The following GPR180 variants were observed in gnomAD, a reference collection of about 807,000 sequenced individuals.
The protein encoded by GPR180 is integral membrane protein GPR180.
A neutral mutation model predicts 52.6 loss-of-function variants in GPR180; 53 were observed. The ratio of observed to expected loss-of-function variants is 1.01; its 90% confidence interval spans 0.81 to 1.27. The LOEUF (loss-of-function observed/expected upper bound fraction) is 1.27. GPR180 is among the 50% of genes most tolerant of loss of function. GPR180 has a pLI of 0.00. For missense variants in GPR180, 533 were observed against 527.0 expected, an observed-to-expected ratio of 1.01 and a Z score of -0.11; for synonymous variants, 200 against 193.1, an observed-to-expected ratio of 1.04 and a Z score of -0.30.
intron 3 of GPR180, among the ~76,000 whole-genome samples, chr13:94,614,269 G>T (rs1456853552): frequency 6.6e-6 from 1 of 152,180 alleles, no homozygotes; most frequent in African/African-American, 2.4e-5. Flanking sequence ...TGCAGTTGTT[G>T]CATGTGCAAA....
rs769396995 is a variant in GPR180 at position 94,602,027 on chromosome 13, G to A, written c.100G>A (p.Ala34Thr). ...TLRGSFSSTA[A>T]QDAQGQRIGH... ...GCGGGGCAGCTTCAGCAGCACCGCG[G>A]CCCAGGACGCCCAGGGCCAGCGCAT... The change falls in exon 1 of 9, where the codon GCC becomes ACC. Residue 34 changes from alanine to threonine, a missense_variant. Ala to Thr is a moderately conservative substitution (Grantham distance 58). Coordinates refer to ENST00000376958, the MANE Select transcript of GPR180 (RefSeq NM_180989.6). 1.4e-6 allele frequency: 2 copies of A among 1,453,632 alleles called. No homozygotes were observed. Among genetic ancestry groups the A allele is most frequent in the African/African-American group, 1.5e-5 (1 of 68,670 alleles). 90.0% of individuals were successfully genotyped at this position (1,453,632 alleles called of 1,614,324 possible).
chr13:94,612,087 TA>T (rs1341336262), intron 2 of GPR180, 102 bp from the exon 3 acceptor site: 1 of 864,576 alleles, frequency 1.2e-6, no homozygotes, highest in African/African-American at 1.7e-5. Flanking sequence ...TCTGAGACAA[TA>T]AAAATTAAAA....
chr13:94,607,595 C>T (rs1889651325), intron 2 of GPR180, among the ~76,000 whole-genome samples: 1 of 151,914 alleles, frequency 6.6e-6, no homozygotes, highest in South Asian at 2.1e-4. Flanking sequence ...CTATAGTTAC[C>T]ACTTTACATT....
chr13:94,625,217 G>A (rs995865586), intron 7 of GPR180, among the ~76,000 whole-genome samples: 1 of 152,154 alleles, frequency 6.6e-6, no homozygotes, highest in African/African-American at 2.4e-5. Context: ...TTAAGGAGTA[G>A]CAAAAAGTTA....
intron 2 of GPR180, among the ~76,000 whole-genome samples, chr13:94,609,089 TG>T (rs1362365135): frequency 6.6e-6 from 1 of 152,176 alleles, no homozygotes; most frequent in African/African-American, 2.4e-5. Context: ...AAGAGCTAAA[TG>T]TAATATTGTA....
At chr13:94,614,148 C>T (rs147399480) in intron 3 of GPR180, among the ~76,000 whole-genome samples, 5 of 152,260 alleles carry the variant, frequency 3.3e-5, no homozygotes, top group African/African-American at 9.6e-5. Context: ...GGATTACAGG[C>T]GTGAGCCACC....
chr13:94,605,065 A>T lies in GPR180; in HGVS notation c.146-326A>T, dbSNP rs1024756066. 2.0e-5 allele frequency among the ~76,000 whole-genome samples: 3 copies of T among 152,342 alleles called. No individual in the cohort carries two copies. The South Asian group carries it at 6.2e-4, about 32-fold the overall frequency. On this transcript the variant is annotated intron_variant, in intron 1 of 8. Coordinates refer to ENST00000376958, the MANE Select transcript of GPR180 (RefSeq NM_180989.6). ...CTTTGGTGGGACATTTCTATAGATTATGAATAAAATATAAAATGTGAAGTG... is the reference window on the plus strand; with the variant it reads ...CTTTGGTGGGACATTTCTATAGATTTTGAATAAAATATAAAATGTGAAGTG...
At position 94,612,298 on chromosome 13, in the gene GPR180, A is replaced by G. The variant is rs1487123453; in HGVS notation, c.413A>G (p.Asn138Ser). 1.2e-6 allele frequency: 2 copies of G among 1,613,946 alleles called. No individual in the cohort carries two copies. Among genetic ancestry groups the G allele is most frequent in the South Asian group, 1.1e-5 (1 of 91,082 alleles). The change falls in exon 3 of 9, where the codon AAT becomes AGT. Residue 138 changes from asparagine (N) to serine (S), a missense_variant. Asn to Ser is a conservative substitution (Grantham distance 46). Coordinates refer to ENST00000376958, the MANE Select transcript of GPR180 (RefSeq NM_180989.6). ...TATACATGCCAAGATGACAAGGAGAATTCTCAGGTGGAAGATATCCCATTT... is the reference window on the plus strand; with the variant it reads ...TATACATGCCAAGATGACAAGGAGAGTTCTCAGGTGGAAGATATCCCATTT... ...DKYTCQDDKENSQVEDIPFEM... is the reference protein window; with the variant it reads ...DKYTCQDDKESSQVEDIPFEM...
Position 94,612,410 on chromosome 13 carries a change from T to C in GPR180, c.505+20T>C, listed in dbSNP as rs1423990068. 6.6e-7 allele frequency: 1 copy of C among 1,514,930 alleles called. No individual in the cohort carries two copies. Among genetic ancestry groups the C allele is most frequent in the Non-Finnish European group, 9.2e-7 (1 of 1,092,302 alleles). 93.8% of individuals were successfully genotyped at this position (1,514,930 alleles called of 1,614,324 possible). ...AATCTGGTAAGAATATGTATTTGAATATATCCTAAATTCAGGAAAAGATTT... is the reference window on the plus strand; with the variant it reads ...AATCTGGTAAGAATATGTATTTGAACATATCCTAAATTCAGGAAAAGATTT... On this transcript the variant is annotated intron_variant, in intron 3 of 8. Transcript: ENST00000376958.
rs1305076088 is a variant in GPR180 at position 94,629,255 on chromosome 13, ACT to A, written c.*2087_*2088del. On this transcript the variant is annotated 3_prime_UTR_variant, in exon 9 of 9. Coordinates refer to ENST00000376958, the MANE Select transcript of GPR180 (RefSeq NM_180989.6). ...ACAGAAAGTTAAGTGTATACTACAAACTCTAATTAAAGATAAAAATCTTTTCT... is the reference window on the plus strand; with the variant it reads ...ACAGAAAGTTAAGTGTATACTACAAACTAATTAAAGATAAAAATCTTTTCT... 2.6e-5 allele frequency: 4 copies of A among 152,218 alleles called. No individual in the cohort carries two copies. The East Asian group carries it at 5.8e-4, about 22-fold the overall frequency. 9.4% of individuals were successfully genotyped at this position (152,218 alleles called of 1,614,324 possible). A position where few individuals can be genotyped will look rare whatever the true frequency, so the allele number is the denominator to read the frequency against.
At chr13:94,619,625 A>C (rs1889827094) in intron 5 of GPR180, 108 bp downstream of exon 5, 1 of 884,472 alleles carries the variant, frequency 1.1e-6, no homozygotes, top group East Asian at 2.5e-5. Context: ...TTTAGAAATC[A>C]GCTTGACTGA....
chr13:94,608,452 G>A (rs979375162), intron 2 of GPR180, among the ~76,000 whole-genome samples: 2 of 152,156 alleles, frequency 1.3e-5, no homozygotes, highest in African/African-American at 4.8e-5. Context: ...GAAGATAACA[G>A]GTAACAGGAA....
At chr13:94,612,075 T>C (rs1889713306) in intron 2 of GPR180, 115 bp from the exon 3 acceptor site, 2 of 764,088 alleles carry the variant, frequency 2.6e-6, no homozygotes, top group Admixed American at 2.5e-5. Context: ...AGGTCTTGGA[T>C]TTCTGAGACA....
At chr13:94,625,061 G>A (rs1471643883) in intron 7 of GPR180, among the ~76,000 whole-genome samples, 1 of 152,138 alleles carries the variant, frequency 6.6e-6, no homozygotes, top group Non-Finnish European at 1.5e-5. Context: ...TGATCCGCCC[G>A]CCTCGGCCTC....
At chr13:94,624,692 G>A (rs954688921) in intron 7 of GPR180, among the ~76,000 whole-genome samples, 20 of 151,930 alleles carry the variant, frequency 1.3e-4, no homozygotes, top group African/African-American at 2.4e-4. Flanking sequence ...CGAGTAACTC[G>A]CGCCCACGCC....
At chr13:94,612,082 G>T (rs1889713368) in intron 2 of GPR180, 108 bp from the exon 3 acceptor site, 1 of 808,362 alleles carries the variant, frequency 1.2e-6, no homozygotes. Flanking sequence ...GGATTTCTGA[G>T]ACAATAAAAA....
intron 1 of GPR180, among the ~76,000 whole-genome samples, 182 bp downstream of exon 1, chr13:94,602,254 C>T (rs1425122985): frequency 1.3e-5 from 2 of 152,240 alleles, no homozygotes; most frequent in Non-Finnish European, 2.9e-5. Context: ...TCCTTGCCAA[C>T]CCCGCTGGTG....
At chr13:94,621,042 A>G in intron 5 of GPR180, 36 bp from the exon 6 acceptor site, 1 of 1,563,112 alleles carries the variant, frequency 6.4e-7, no homozygotes, top group Non-Finnish European at 8.6e-7. Context: ...TTATATTGTG[A>G]AAACTTGGTT....
At chr13:94,624,081 G>A (rs1328201209) in intron 7 of GPR180, among the ~76,000 whole-genome samples, 3 of 152,186 alleles carry the variant, frequency 2.0e-5, no homozygotes, top group Non-Finnish European at 4.4e-5. Context: ...CCATCCACAT[G>A]AGATCGTGTC....
Sources: gnomAD v4.1 joint callset for allele counts (sites outside exome capture counted in the v4.1 genomes callset) on GRCh38, gnomAD v4.1.1 for gene constraint, MANE v1.5 for transcripts, NCBI Gene and HGNC (gene_info 2026-07-23, HGNC 2026-07-21) for gene names.